Variants in NETO1 observed in about 807,000 individuals in gnomAD.
NETO1 encodes the protein neuropilin and tolloid like 1, also known as neuropilin and tolloid-like protein 1.
A neutral mutation model predicts 61.3 loss-of-function variants in NETO1; 26 were observed. That is an observed-to-expected ratio of 0.42 (90% CI 0.31 to 0.59). The LOEUF (loss-of-function observed/expected upper bound fraction) is 0.59, where lower values mean the gene tolerates loss of function less well. NETO1 is among the 20% of genes least tolerant of loss of function. The pLI is 0.12. For missense variants in NETO1, 531 were observed against 662.8 expected, an observed-to-expected ratio of 0.80 and a Z score of 2.18; for synonymous variants, 225 against 225.8, an observed-to-expected ratio of 1.00 and a Z score of 0.03.
At chr18:72,767,862 G>GT (rs1055660936) in intron 7 of NETO1, among the ~76,000 whole-genome samples, 7 of 152,136 alleles carry the variant, frequency 4.6e-5, no homozygotes, top group African/African-American at 1.7e-4. Flanking sequence ...ATTTGAAAGT[G>GT]TTAACTACCC....
chr18:72,834,114 T>A, intron 4 of NETO1: 3 of 936,020 alleles, frequency 3.2e-6, no homozygotes, highest in Non-Finnish European at 3.8e-6. Context: ...GACTTTAAAA[T>A]CAATACTCTG....
Position 72,750,410 on chromosome 18 carries a change from A to T in NETO1, c.1193T>A (p.Leu398His). The T allele has an allele frequency of 6.2e-7, 1 of 1,614,146 alleles. No homozygotes were observed. Among genetic ancestry groups the T allele is most frequent in the Non-Finnish European group, 8.5e-7 (1 of 1,180,004 alleles). Residue 398 changes from leucine (L) to histidine (H), a missense_variant, in exon 9 of 11, where the codon CTC (leucine) becomes CAC (histidine). Coordinates refer to ENST00000327305, the MANE Select transcript of NETO1 (RefSeq NM_138966.5). ...FEPPHYELCT[L>H]RGTGATADFA... is the part of the protein sequence containing the mutation. ...GTCAGCTGTAGCTCCTGTCCCTCTG[A>T]GAGTGCATAACTCATAATGAGGAGG...
At position 72,867,947 on chromosome 18, in the gene NETO1, C is replaced by T. The variant is rs2074790210; in HGVS notation, c.-656G>A. ...TTGAAGGCAGGAAGAAGGGGTCCGTCATCGGCTCGCCGGGCTGCGCGCCAC... is the reference window on the plus strand; with the variant it reads ...TTGAAGGCAGGAAGAAGGGGTCCGTTATCGGCTCGCCGGGCTGCGCGCCAC... On this transcript the variant is annotated 5_prime_UTR_variant, in exon 1 of 11. The change abolishes an upstream ATG in the 5' untranslated region. Coordinates refer to ENST00000327305, the MANE Select transcript of NETO1 (RefSeq NM_138966.5). 1 of 151,594 alleles carries T rather than the reference C, an allele frequency of 6.6e-6. No individual in the cohort carries two copies. The highest frequency in any genetic ancestry group is 2.0e-4 in the East Asian group (1 of 5,102). 9.4% of individuals were successfully genotyped at this position (151,594 alleles called of 1,614,324 possible).
intron 4 of NETO1, among the ~76,000 whole-genome samples, chr18:72,810,004 A>C (rs1356801308): frequency 1.3e-5 from 2 of 152,224 alleles, no homozygotes; most frequent in Non-Finnish European, 1.5e-5. Context: ...GCTAATCTAA[A>C]TATGTATGAA....
Position 72,745,001 on chromosome 18 carries a change from T to A in NETO1, c.*3178A>T, listed in dbSNP as rs546674282. 10 of 152,306 alleles carry A rather than the reference T, an allele frequency of 6.6e-5. No homozygotes were observed. Among genetic ancestry groups the A allele is most frequent in the Non-Finnish European group, 1.5e-4 (10 of 68,018 alleles). The allele number at this position is 152,306 out of a possible 1,614,324, so 9.4% of individuals were successfully genotyped here. A position where few individuals can be genotyped will look rare whatever the true frequency, so the allele number is the denominator to read the frequency against. On this transcript the variant is annotated 3_prime_UTR_variant, in exon 11 of 11. Coordinates refer to ENST00000327305, the MANE Select transcript of NETO1 (RefSeq NM_138966.5). ...AAGTAATGCCAACCGTCTAAGTTAC[T>A]TAACACTGAGGATCATAACTTATGG...
At chr18:72,804,049 T>C (rs1268553196) in intron 4 of NETO1, among the ~76,000 whole-genome samples, 1 of 152,078 alleles carries the variant, frequency 6.6e-6, no homozygotes, top group African/African-American at 2.4e-5. Context: ...TTCATATTAA[T>C]TTATATTTTA....
intron 10 of NETO1, 172 bp from the exon 11 acceptor site, chr18:72,748,336 A>G: frequency 2.0e-6 from 2 of 976,650 alleles, no homozygotes; most frequent in Non-Finnish European, 2.4e-6. Context: ...ATTGGAGACA[A>G]ATTAGGCTAA....
intron 4 of NETO1, among the ~76,000 whole-genome samples, chr18:72,841,167 G>GT (rs1378412631): frequency 6.6e-6 from 1 of 152,116 alleles, no homozygotes. Flanking sequence ...TAGGAAATGT[G>GT]TTTTTTGGTA....
chr18:72,834,580 A>T (rs2073683521), intron 4 of NETO1: 4 of 980,086 alleles, frequency 4.1e-6, no homozygotes, highest in Non-Finnish European at 4.8e-6. Context: ...ATTTCACAAC[A>T]CTATTACTCA....
Position 72,823,668 on chromosome 18 carries a change from G to A in NETO1, c.470-29264C>T, listed in dbSNP as rs2073282505. ...ACTCCCTGATTCTCCATCACCTAAT[G>A]AGCTAAACATGTTCTTTATGTTTTT... On this transcript the variant is annotated intron_variant, in intron 4 of 10. Coordinates refer to ENST00000327305, the MANE Select transcript of NETO1 (RefSeq NM_138966.5). Among the ~76,000 whole-genome samples, 4 of 152,132 alleles carry A rather than the reference G, an allele frequency of 2.6e-5. No homozygotes were observed. In the South Asian group the frequency reaches 6.2e-4, roughly 24 times the overall value.
At chr18:72,795,734 CTATCA>C (rs1385102527) in intron 4 of NETO1, among the ~76,000 whole-genome samples, 1 of 152,154 alleles carries the variant, frequency 6.6e-6, no homozygotes, top group Admixed American at 6.6e-5. Context: ...CCACATGTAT[CTATCA>C]TTTTCTTGCA....
At chr18:72,812,819 C>T (rs2072910596) in intron 4 of NETO1, among the ~76,000 whole-genome samples, 2 of 152,282 alleles carry the variant, frequency 1.3e-5, no homozygotes, top group African/African-American at 2.4e-5. Context: ...GATCCATCTC[C>T]TAAGTTTTCT....
chr18:72,851,875 CA>C (rs2074260945), intron 4 of NETO1, among the ~76,000 whole-genome samples: 1 of 152,178 alleles, frequency 6.6e-6, no homozygotes, highest in Admixed American at 6.5e-5. Context: ...GGTGTATCAG[CA>C]CCGTGCTTAT....
At chr18:72,843,575 A>G (rs528132251) in intron 4 of NETO1, among the ~76,000 whole-genome samples, 2 of 152,294 alleles carry the variant, frequency 1.3e-5, no homozygotes, top group South Asian at 4.2e-4. Context: ...TGGTCATTTC[A>G]TATGCGGTGT....
At chr18:72,864,995 A>G in intron 2 of NETO1, 50 bp from the exon 3 acceptor site, 1 of 1,557,072 alleles carries the variant, frequency 6.4e-7, no homozygotes, top group Non-Finnish European at 8.6e-7. Context: ...CCAATTTTCT[A>G]TTGTACTAAA....
At chr18:72,779,206 T>A (rs2071656936) in intron 7 of NETO1, among the ~76,000 whole-genome samples, 1 of 152,020 alleles carries the variant, frequency 6.6e-6, no homozygotes, top group Non-Finnish European at 1.5e-5. Flanking sequence ...TGTTAGATAA[T>A]ACATATAACT....
chr18:72,767,594 C>T (rs1339516132), intron 7 of NETO1, among the ~76,000 whole-genome samples: 8 of 152,112 alleles, frequency 5.3e-5, no homozygotes, highest in Non-Finnish European at 8.8e-5. Context: ...ACACATAATA[C>T]TTCTTCAATG....
chr18:72,768,995 C>T (rs571097098), intron 7 of NETO1, among the ~76,000 whole-genome samples: 9 of 152,294 alleles, frequency 5.9e-5, no homozygotes, highest in Non-Finnish European at 1.0e-4. Flanking sequence ...TTTGACTAAC[C>T]AGCCTTCTGC....
In NETO1 at chr18:72,747,472, G is replaced by A. The variant is rs561728530; in HGVS notation, c.*707C>T. On this transcript the variant is annotated 3_prime_UTR_variant, in exon 11 of 11. Coordinates refer to ENST00000327305, the MANE Select transcript of NETO1 (RefSeq NM_138966.5). ...ACATTTCTACTGTAGAGTATGAATG[G>A]TAAAATACCTGACTTCAAAAAGGAT... 7.1e-6 allele frequency: 1 copy of A among 141,678 alleles called. No individual in the cohort carries two copies. Among genetic ancestry groups the A allele is most frequent in the Admixed American group, 6.9e-5 (1 of 14,402 alleles). 8.8% of individuals were successfully genotyped at this position (141,678 alleles called of 1,614,324 possible). A position where few individuals can be genotyped will look rare whatever the true frequency, so the allele number is the denominator to read the frequency against.
Sources: allele counts gnomAD v4.1 joint callset (sites outside exome capture counted in the v4.1 genomes callset), GRCh38; gene constraint gnomAD v4.1.1; transcripts MANE v1.5; gene names NCBI Gene and HGNC (gene_info 2026-07-23, HGNC 2026-07-21).